TMEM232: variants seen among roughly 807,000 people sequenced by gnomAD.
TMEM232 encodes the protein transmembrane protein 232.
In TMEM232, 80 loss-of-function variants were observed where a neutral mutation model predicts 78.8. The observed-to-expected ratio is 1.01, with a 90% CI of 0.85 to 1.22. The LOEUF (loss-of-function observed/expected upper bound fraction) is 1.22. TMEM232 is among the 50% of genes most tolerant of loss of function. TMEM232 has a pLI of 0.00. For missense variants in TMEM232, 881 were observed against 742.2 expected, an observed-to-expected ratio of 1.19 and a Z score of -2.17; for synonymous variants, 297 against 254.3, an observed-to-expected ratio of 1.17 and a Z score of -1.60.
intron 12 of TMEM232, among the ~76,000 whole-genome samples, chr5:110,431,875 G>A (rs376495620): frequency 6.6e-6 from 1 of 151,168 alleles, no homozygotes; most frequent in African/African-American, 2.4e-5. Context: ...GAAAAGAACA[G>A]CAGAGACATA....
At chr5:110,561,343 A>G (rs1165486764) in intron 11 of TMEM232, among the ~76,000 whole-genome samples, 4 of 151,906 alleles carry the variant, frequency 2.6e-5, no homozygotes, top group Non-Finnish European at 5.9e-5. Context: ...TTAAAGTTTC[A>G]ATTTCCTCAT....
chr5:110,665,622 A>G (rs1193469247), intron 2 of TMEM232, among the ~76,000 whole-genome samples: 1 of 151,166 alleles, frequency 6.6e-6, no homozygotes, highest in Non-Finnish European at 1.5e-5. Context: ...GGGGAAATCC[A>G]TCCCGGTTAT....
intron 12 of TMEM232, among the ~76,000 whole-genome samples, chr5:110,450,584 A>T (rs1368401832): frequency 1.3e-5 from 2 of 152,142 alleles, no homozygotes; most frequent in Non-Finnish European, 2.9e-5. Flanking sequence ...GTGGAAATTA[A>T]TCAAAATATT....
intron 1 of TMEM232, among the ~76,000 whole-genome samples, chr5:110,723,609 T>C (rs1430502449): frequency 6.6e-6 from 1 of 152,188 alleles, no homozygotes; most frequent in Non-Finnish European, 1.5e-5. Flanking sequence ...CAACTCTCCC[T>C]ATATACATTA....
At chr5:110,591,911 AT>A (rs1779589380) in intron 10 of TMEM232, among the ~76,000 whole-genome samples, 1 of 152,172 alleles carries the variant, frequency 6.6e-6, no homozygotes, top group Non-Finnish European at 1.5e-5. Context: ...CCCAATAAGT[AT>A]TTTGAAAAAG....
At chr5:110,646,726 A>T (rs1408815222) in intron 2 of TMEM232, among the ~76,000 whole-genome samples, 1 of 151,940 alleles carries the variant, frequency 6.6e-6, no homozygotes, top group African/African-American at 2.4e-5. Context: ...CAGTATAAAA[A>T]CAATCAACAG....
At chr5:110,691,109 T>G (rs189286340) in intron 1 of TMEM232, among the ~76,000 whole-genome samples, 1 of 146,144 alleles carries the variant, frequency 6.8e-6, no homozygotes, top group East Asian at 2.0e-4. Context: ...CAAACCCACA[T>G]GTTCTGCACA....
At chr5:110,459,784 T>G (rs554431756) in intron 12 of TMEM232, among the ~76,000 whole-genome samples, 3 of 152,214 alleles carry the variant, frequency 2.0e-5, no homozygotes, top group Admixed American at 1.3e-4. Flanking sequence ...GTGGCGAAAA[T>G]TTAAATCACC....
intron 12 of TMEM232, among the ~76,000 whole-genome samples, chr5:110,453,110 A>G (rs1580739780): frequency 1.3e-5 from 2 of 152,158 alleles, no homozygotes; most frequent in East Asian, 3.9e-4. Context: ...CCTTGTTAAC[A>G]GTTTCATCTT....
At chr5:110,736,270 C>G (rs1203375902) in intron 1 of TMEM232, among the ~76,000 whole-genome samples, 1 of 152,160 alleles carries the variant, frequency 6.6e-6, no homozygotes. Context: ...CTAGAGACTA[C>G]TGATTAAATG....
intron 12 of TMEM232, among the ~76,000 whole-genome samples, chr5:110,460,335 A>T (rs1327239071): frequency 2.6e-5 from 4 of 151,568 alleles, no homozygotes. Context: ...ATGGAAAGGA[A>T]ATGAATGATA....
chr5:110,642,064 C>G, intron 3 of TMEM232, among the ~76,000 whole-genome samples, 196 bp downstream of exon 3: 1 of 151,904 alleles, frequency 6.6e-6, no homozygotes. Flanking sequence ...TGGTATATTT[C>G]CACAAAAATT....
intron 12 of TMEM232, among the ~76,000 whole-genome samples, chr5:110,516,380 A>G (rs554114049): frequency 4.6e-5 from 7 of 152,342 alleles, no homozygotes; most frequent in Admixed American, 4.6e-4. Context: ...TAGAAAATAC[A>G]CTTATGAGAA....
intron 10 of TMEM232, among the ~76,000 whole-genome samples, chr5:110,593,374 T>A (rs1387341117): frequency 6.6e-6 from 1 of 152,180 alleles, no homozygotes; most frequent in African/African-American, 2.4e-5. Context: ...AGGAAAAGAT[T>A]TGAAAACTTC....
intron 10 of TMEM232, among the ~76,000 whole-genome samples, chr5:110,603,531 G>T (rs1445893673): frequency 6.6e-6 from 1 of 152,124 alleles, no homozygotes; most frequent in Non-Finnish European, 1.5e-5. Flanking sequence ...GACAAGAATT[G>T]AAGGCCAAAA....
chr5:110,520,183 AG>A (rs772316736), intron 12 of TMEM232, among the ~76,000 whole-genome samples: 89 of 152,100 alleles, frequency 5.9e-4, no homozygotes, highest in Admixed American at 1.5e-3. Context: ...CCTAACAGAA[AG>A]AAATGACACA....
intron 1 of TMEM232, among the ~76,000 whole-genome samples, chr5:110,696,793 T>TAA (rs150681210): frequency 0.94 from 143,619 of 152,034 alleles, 68,282 homozygotes; most frequent in Non-Finnish European, 1. Flanking sequence ...CTCAATGAAA[T>TAA]AAGAGGATAC....
intron 10 of TMEM232, among the ~76,000 whole-genome samples, chr5:110,594,930 C>A (rs1006220001): frequency 6.6e-6 from 1 of 152,222 alleles, no homozygotes; most frequent in African/African-American, 2.4e-5. Context: ...TGCTAAAGGG[C>A]AGACTGCCCC....
Position 110,568,532 on chromosome 5 carries a change from A to G in TMEM232, c.1370T>C (p.Leu457Pro). Residue 457 changes from leucine to proline, a missense_variant, in exon 11 of 14, where the codon CTT becomes CCT. By Grantham distance (98) the Leu-to-Pro change is moderately conservative (BLOSUM62 -3). Transcript: ENST00000455884. ...CAATGTTTGCCATATCATGTTTCTA[A>G]GTCCATCCTGTTCTTCGTCTCCTTG... Reference protein sequence around the residue: ...ELQGDEEQDGLRNMIWQTLQK... With the variant: ...ELQGDEEQDGPRNMIWQTLQK... 2 of 1,549,480 alleles carry G rather than the reference A, an allele frequency of 1.3e-6. No individual in the cohort carries two copies. Among genetic ancestry groups the G allele is most frequent in the Non-Finnish European group, 1.7e-6 (2 of 1,145,734 alleles).
Sources: gnomAD v4.1 joint callset for allele counts (sites outside exome capture counted in the v4.1 genomes callset) on GRCh38, gnomAD v4.1.1 for gene constraint, MANE v1.5 for transcripts, NCBI Gene and HGNC (gene_info 2026-07-23, HGNC 2026-07-21) for gene names.